Variants in LIMA1 observed in about 807,000 individuals in gnomAD.
LIMA1 encodes the protein LIM domain and actin binding 1, also known as LIM domain and actin-binding protein 1.
LIMA1 carries 52 observed loss-of-function variants against 62.6 expected under a neutral mutation model. That is an observed-to-expected ratio of 0.83 (90% confidence interval 0.67 to 1.05). The LOEUF is 1.05. Among genes scored for constraint, LIMA1 ranks in the 50% least tolerant of loss-of-function variants. The pLI is 0.00. For missense variants in LIMA1, 780 were observed against 902.2 expected, an observed-to-expected ratio of 0.86 and a Z score of 1.74; for synonymous variants, 302 against 317.8, an observed-to-expected ratio of 0.95 and a Z score of 0.53.
At chr12:50,250,760 C>T (rs990709931) in intron 1 of LIMA1, among the ~76,000 whole-genome samples, 1 of 152,030 alleles carries the variant, frequency 6.6e-6, no homozygotes, top group Non-Finnish European at 1.5e-5. Context: ...TGGTAAGGAG[C>T]TCTGGGTTAG....
intron 1 of LIMA1, among the ~76,000 whole-genome samples, chr12:50,280,686 T>C (rs1427757938): frequency 6.6e-6 from 1 of 152,168 alleles, no homozygotes; most frequent in Non-Finnish European, 1.5e-5. Context: ...TCTTGAGGAC[T>C]CTGCACCCAG....
chr12:50,189,542 G>C (rs1940705077), intron 9 of LIMA1: 1 of 152,190 alleles, frequency 6.6e-6, no homozygotes, highest in South Asian at 2.1e-4. Flanking sequence ...AGAAGTGTGG[G>C]TAATCCAAAC....
At chr12:50,219,298 A>G (rs1042754663) in intron 4 of LIMA1, among the ~76,000 whole-genome samples, 16 of 152,028 alleles carry the variant, frequency 1.1e-4, no homozygotes, top group Non-Finnish European at 2.1e-4. Flanking sequence ...CAGCCTGACC[A>G]ATATGATGAA....
At position 50,272,379 on chromosome 12, in the gene LIMA1, C is replaced by T. The variant is rs757125496; in HGVS notation, c.-24+11041G>A. Among the ~76,000 whole-genome samples, 6 of 151,052 alleles carry T rather than the reference C, an allele frequency of 4.0e-5. No homozygotes were observed. In the East Asian group the frequency reaches 5.9e-4, roughly 15 times the overall value. ...CCGAGGCGGGCGGATCACCTGAGGT[C>T]GGGAGTTCGAGATCAGCCTGACCAA... On this transcript the variant is annotated intron_variant, in intron 1 of 10. Transcript: ENST00000341247.
Position 50,206,077 on chromosome 12 carries a change from C to G in LIMA1, c.631-9G>C, listed in dbSNP as rs758078792. The G allele has an allele frequency of 1.9e-6, 3 of 1,609,582 alleles. No individual in the cohort carries two copies. Among genetic ancestry groups the G allele is most frequent in the Non-Finnish European group, 2.5e-6 (3 of 1,177,008 alleles). ...CTTTGGGCCCGGAGAATCTGGAAAA[C>G]GAAACCCAACGATAAGTTTTGCAGA... On this transcript the variant is annotated splice_polypyrimidine_tract_variant and intron_variant, in intron 4 of 10. Coordinates refer to ENST00000341247, the MANE Select transcript of LIMA1 (RefSeq NM_016357.5).
At chr12:50,195,066 G>C (rs369002921) in intron 8 of LIMA1, among the ~76,000 whole-genome samples, 13 of 151,804 alleles carry the variant, frequency 8.6e-5, no homozygotes, top group African/African-American at 2.9e-4. Flanking sequence ...AGCTGGGTAT[G>C]GTGGTGTGTG....
intron 4 of LIMA1, among the ~76,000 whole-genome samples, chr12:50,215,369 G>C (rs150290069): frequency 6.6e-6 from 1 of 152,178 alleles, no homozygotes. Flanking sequence ...TCTACGGGGA[G>C]AGGTCACAAA....
At chr12:50,254,162 T>C (rs559315040) in intron 1 of LIMA1, among the ~76,000 whole-genome samples, 3 of 152,144 alleles carry the variant, frequency 2.0e-5, no homozygotes, top group African/African-American at 4.8e-5. Flanking sequence ...TACTACCACA[T>C]GAACTGTGAA....
intron 9 of LIMA1, chr12:50,185,432 G>A (rs1940608760): frequency 2.2e-6 from 1 of 456,218 alleles, no homozygotes; most frequent in Non-Finnish European, 4.4e-6. Context: ...TTAGGTACCA[G>A]GAGCAGGAGG....
At chr12:50,263,263 A>G (rs1565862708) in intron 1 of LIMA1, among the ~76,000 whole-genome samples, 1 of 152,206 alleles carries the variant, frequency 6.6e-6, no homozygotes, top group Non-Finnish European at 1.5e-5. Context: ...ATTTACTGAG[A>G]GGTCAAAGTT....
chr12:50,186,251 G>A (rs1314059409), intron 9 of LIMA1: 2 of 152,150 alleles, frequency 1.3e-5, no homozygotes, highest in Admixed American at 1.3e-4. Flanking sequence ...TATCTTCACA[G>A]TATATTTTTT....
intron 4 of LIMA1, among the ~76,000 whole-genome samples, chr12:50,211,443 G>A (rs1304917181): frequency 6.8e-6 from 1 of 147,876 alleles, no homozygotes; most frequent in Admixed American, 6.8e-5. Flanking sequence ...AGGAGTTTGA[G>A]ATCAGCCTGG....
chr12:50,228,392 T>C (rs1941563910), intron 3 of LIMA1, among the ~76,000 whole-genome samples: 1 of 152,222 alleles, frequency 6.6e-6, no homozygotes, highest in Non-Finnish European at 1.5e-5. Context: ...AGATGACCAA[T>C]GACCTTCATG....
intron 8 of LIMA1, among the ~76,000 whole-genome samples, chr12:50,193,606 A>ATGTATATATGATATATATACATG (rs1555204620): frequency 9.0e-6 from 1 of 111,664 alleles, no homozygotes; most frequent in African/African-American, 3.6e-5. Flanking sequence ...ATATATATAC[A>ATGTATATATGATATATATACATG]TGTATATATA....
rs551022513 is a variant in LIMA1, at chr12:50,240,992, G to A, written c.119+7641C>T. 2.0e-5 allele frequency among the ~76,000 whole-genome samples: 3 copies of A among 152,280 alleles called. No homozygotes were observed. In the East Asian group the frequency reaches 5.8e-4, roughly 29 times the overall value. ...AAAAATGTGGGAGGGAAAAAGTGGTGAGAGTTCATGTAAGATAAAGGCCAA... is the reference window on the plus strand; with the variant it reads ...AAAAATGTGGGAGGGAAAAAGTGGTAAGAGTTCATGTAAGATAAAGGCCAA... On this transcript the variant is annotated intron_variant, in intron 2 of 10. Transcript: ENST00000341247.
At chr12:50,237,513 T>C (rs1941713258) in intron 2 of LIMA1, among the ~76,000 whole-genome samples, 1 of 152,268 alleles carries the variant, frequency 6.6e-6, no homozygotes, top group South Asian at 2.1e-4. Flanking sequence ...GGCTCATGCC[T>C]GTAGTCCCAG....
chr12:50,246,273 C>G (rs1941848514), intron 2 of LIMA1, among the ~76,000 whole-genome samples: 1 of 151,074 alleles, frequency 6.6e-6, no homozygotes, highest in Non-Finnish European at 1.5e-5. Context: ...AGCCACTGCT[C>G]AAACACAGAA....
rs769442487 is a variant in LIMA1, at chr12:50,177,739, G to C, written c.1605C>G (p.Pro535=). ...CACTTCCTGAACTTCCAAGTTCAGT[G>C]GGGGGTGGCCAGGCGATCCTCAGCT... ...TKKLRIAWPP[P]TELGSSGSAL... The change falls in exon 11 of 11, where the codon CCC becomes CCG. Residue 535 remains proline (P), a synonymous_variant. Coordinates refer to ENST00000341247, the MANE Select transcript of LIMA1 (RefSeq NM_016357.5). The C allele has an allele frequency of 1.2e-6, 2 of 1,613,678 alleles. No homozygotes were observed. Among genetic ancestry groups the C allele is most frequent in the Admixed American group, 1.7e-5 (1 of 59,932 alleles).
chr12:50,188,710 C>A (rs1940686517), intron 9 of LIMA1: 1 of 152,210 alleles, frequency 6.6e-6, no homozygotes, highest in Non-Finnish European at 1.5e-5. Flanking sequence ...GTGAGGTGTG[C>A]CCTTTCACAC....
Sources: allele counts gnomAD v4.1 joint callset (sites outside exome capture counted in the v4.1 genomes callset), GRCh38; gene constraint gnomAD v4.1.1; transcripts MANE v1.5; gene names NCBI Gene and HGNC (gene_info 2026-07-23, HGNC 2026-07-21).